The following SHISA9 variants were observed in gnomAD, a reference collection of about 807,000 sequenced individuals.
SHISA9 encodes shisa family member 9.
In SHISA9, 13 loss-of-function variants were observed where a neutral mutation model predicts 38.0. The ratio of observed to expected loss-of-function variants is 0.34; its 90% CI spans 0.22 to 0.54. The LOEUF (loss-of-function observed/expected upper bound fraction) is 0.54. Ranked by LOEUF, SHISA9 falls within the 20% of genes least tolerant of loss-of-function variation. SHISA9 has a pLI of 0.91. For missense variants in SHISA9, 538 were observed against 575.8 expected, an observed-to-expected ratio of 0.93 and a Z score of 0.67; for synonymous variants, 275 against 242.0, an observed-to-expected ratio of 1.14 and a Z score of -1.27.
At chr16:13,254,468 AAC>A in the SHISA9 span, among the ~76,000 whole-genome samples, 1 of 152,214 alleles carries the variant, frequency 6.6e-6, no homozygotes, top group Non-Finnish European at 1.5e-5. Context: ...TCTCTCTGGG[AAC>A]AGAGTTTAGG....
At chr16:13,275,307 A>T in the SHISA9 span, among the ~76,000 whole-genome samples, 19 of 152,288 alleles carry the variant, frequency 1.2e-4, no homozygotes, top group African/African-American at 3.8e-4. Context: ...ATAGAAATAA[A>T]AGTTCAACAC....
the SHISA9 span, among the ~76,000 whole-genome samples, chr16:13,415,508 A>G: frequency 6.6e-6 from 1 of 152,204 alleles, no homozygotes; most frequent in Non-Finnish European, 1.5e-5. Flanking sequence ...TACCTGGGTG[A>G]TGAAATAATC....
At chr16:13,520,594 A>G in the SHISA9 span, among the ~76,000 whole-genome samples, 8 of 117,594 alleles carry the variant, frequency 6.8e-5, no homozygotes, top group East Asian at 1.2e-3. Context: ...AAAGAGTGAA[A>G]CTCTGTCTCA....
chr16:13,476,677 C>G, the SHISA9 span, among the ~76,000 whole-genome samples: 3 of 150,542 alleles, frequency 2.0e-5, no homozygotes, highest in African/African-American at 4.9e-5. Context: ...TCCCATCCCA[C>G]TTAGCCCCTC....
chr16:12,959,703 TG>T (rs976131318), intron 2 of SHISA9, among the ~76,000 whole-genome samples: 1 of 151,946 alleles, frequency 6.6e-6, no homozygotes, highest in Non-Finnish European at 1.5e-5. Flanking sequence ...GCCCCTAGGG[TG>T]GGGGTTGAAC....
chr16:13,241,338 C>A (rs2051433829), downstream of SHISA9, among the ~76,000 whole-genome samples: 1 of 152,140 alleles, frequency 6.6e-6, no homozygotes, highest in African/African-American at 2.4e-5. Flanking sequence ...TTAACCCCAT[C>A]TTTATTAAAA....
rs147869759 is a variant in SHISA9, at chr16:13,207,013, T to C, written c.847+3464T>C. Among the ~76,000 whole-genome samples the C allele has an allele frequency of 3.3e-5, 5 of 152,354 alleles. No individual in the cohort carries two copies. In the East Asian group the frequency reaches 9.6e-4, roughly 29 times the overall value. On this transcript the variant is annotated intron_variant, in intron 3 of 4. Transcript: ENST00000558583. Reference sequence around the variant, plus strand: ...TAGATGATAAATAACATATGCCATTTTATTTTATTCTTCTTTAGGCATTTA... The same window carrying C: ...TAGATGATAAATAACATATGCCATTCTATTTTATTCTTCTTTAGGCATTTA...
chr16:13,346,307 C>A, the SHISA9 span, among the ~76,000 whole-genome samples: 1 of 152,150 alleles, frequency 6.6e-6, no homozygotes, highest in Non-Finnish European at 1.5e-5. Context: ...TGCGACGCCA[C>A]CAGATATTCA....
intron 2 of SHISA9, among the ~76,000 whole-genome samples, chr16:12,988,459 A>T (rs2072341860): frequency 6.6e-6 from 1 of 152,136 alleles, no homozygotes; most frequent in African/African-American, 2.4e-5. Flanking sequence ...CCCCAGAGAA[A>T]ATGGACAAGT....
the SHISA9 span, among the ~76,000 whole-genome samples, chr16:13,407,586 C>T: frequency 1.6e-3 from 243 of 152,262 alleles, 3 homozygotes; most frequent in African/African-American, 5.7e-3. Flanking sequence ...AATAACCATT[C>T]CTTCTTTTTT....
chr16:13,509,594 C>T, the SHISA9 span, among the ~76,000 whole-genome samples: 3 of 152,244 alleles, frequency 2.0e-5, no homozygotes, highest in African/African-American at 4.8e-5. Flanking sequence ...TTTCATTTTC[C>T]GAATTTGAAT....
At chr16:13,295,154 A>C in the SHISA9 span, among the ~76,000 whole-genome samples, 6 of 152,330 alleles carry the variant, frequency 3.9e-5, no homozygotes, top group Admixed American at 3.9e-4. Context: ...AATTTTTTTT[A>C]ATTAGAAATG....
At chr16:13,330,334 G>A in the SHISA9 span, among the ~76,000 whole-genome samples, 3 of 152,238 alleles carry the variant, frequency 2.0e-5, no homozygotes, top group Non-Finnish European at 4.4e-5. Context: ...AGATTTTCAT[G>A]TATCTATTTG....
the SHISA9 span, among the ~76,000 whole-genome samples, chr16:13,370,843 A>G: frequency 2.0e-5 from 3 of 152,190 alleles, no homozygotes; most frequent in Admixed American, 6.5e-5. Flanking sequence ...GAGTGGACTC[A>G]ATAAAAATCA....
chr16:13,120,417 C>G (rs553318987), intron 2 of SHISA9, among the ~76,000 whole-genome samples: 1 of 152,180 alleles, frequency 6.6e-6, no homozygotes, highest in Admixed American at 6.5e-5. Flanking sequence ...CCCCTGTGCA[C>G]CACCAGGCTG....
intron 2 of SHISA9, among the ~76,000 whole-genome samples, chr16:13,047,594 T>A (rs959134096): frequency 2.6e-5 from 4 of 152,142 alleles, no homozygotes; most frequent in African/African-American, 9.7e-5. Flanking sequence ...GGATGCTTAC[T>A]GCATAATGGC....
At chr16:13,538,907 G>A in the SHISA9 span, among the ~76,000 whole-genome samples, 1 of 152,046 alleles carries the variant, frequency 6.6e-6, no homozygotes, top group Non-Finnish European at 1.5e-5. Flanking sequence ...ACTATTGGAT[G>A]AGAAATATGT....
intron 2 of SHISA9, among the ~76,000 whole-genome samples, chr16:13,154,970 C>T (rs544068602): frequency 6.6e-6 from 1 of 152,224 alleles, no homozygotes; most frequent in Non-Finnish European, 1.5e-5. Context: ...TCATGGTACA[C>T]ATGGCTGCTC....
the SHISA9 span, among the ~76,000 whole-genome samples, chr16:13,368,512 T>C: frequency 6.6e-6 from 1 of 151,310 alleles, no homozygotes; most frequent in South Asian, 2.1e-4. Context: ...CGTTAGGGGG[T>C]TTTGTAGGAA....
Sources: gnomAD v4.1 joint callset for allele counts (sites outside exome capture counted in the v4.1 genomes callset) on GRCh38, gnomAD v4.1.1 for gene constraint, MANE v1.5 for transcripts, NCBI Gene and HGNC (gene_info 2026-07-23, HGNC 2026-07-21) for gene names.